The following ARHGAP21 variants were observed in gnomAD, a reference collection of about 807,000 sequenced individuals.
ARHGAP21 encodes Rho GTPase activating protein 21, also known as rho GTPase-activating protein 21.
In ARHGAP21, 38 loss-of-function variants were observed where a neutral mutation model predicts 164.6. That is an observed-to-expected ratio of 0.23 (90% CI 0.18 to 0.30). The LOEUF (loss-of-function observed/expected upper bound fraction) is 0.30, where lower values mean the gene tolerates loss of function less well. ARHGAP21 is among the 10% of genes least tolerant of loss of function. ARHGAP21 has a pLI of 1.00. For synonymous variants in ARHGAP21, 766 were observed against 857.9 expected (o/e 0.89, Z 1.87); for missense variants, 1,822 against 2,370.7 (o/e 0.77, Z 4.81).
Position 24,667,095 on chromosome 10 carries a change from C to T in ARHGAP21, c.244-86G>A, listed in dbSNP as rs12571203. On this transcript the variant is annotated intron_variant, in intron 3 of 25. Coordinates refer to ENST00000396432, the MANE Select transcript of ARHGAP21 (RefSeq NM_020824.4). Reference sequence around the variant, plus strand: ...CAGCAAGGCTCAATTTAATTCAAATCGACCTCCCCAGATTGTGCCAATTAC... The same window carrying T: ...CAGCAAGGCTCAATTTAATTCAAATTGACCTCCCCAGATTGTGCCAATTAC... 1.3e-3 allele frequency: 923 copies of T among 696,332 alleles called. 16 individuals carry two copies. In the East Asian group the frequency reaches 0.026, roughly 20 times the overall value. 43.1% of individuals were successfully genotyped at this position (696,332 alleles called of 1,614,324 possible).
intron 4 of ARHGAP21, among the ~76,000 whole-genome samples, chr10:24,664,972 T>A (rs925489144): frequency 6.6e-6 from 1 of 152,186 alleles, no homozygotes; most frequent in East Asian, 1.9e-4. Context: ...TTTATAACAA[T>A]GTCTTTCTAT....
intron 2 of ARHGAP21, among the ~76,000 whole-genome samples, chr10:24,702,093 A>T (rs1843721354): frequency 6.7e-6 from 1 of 149,458 alleles, no homozygotes; most frequent in Non-Finnish European, 1.5e-5. Context: ...AATTTATCAC[A>T]CACCTTGGTG....
At chr10:24,669,358 G>C (rs1384747561) in intron 3 of ARHGAP21, among the ~76,000 whole-genome samples, 2 of 152,074 alleles carry the variant, frequency 1.3e-5, no homozygotes, top group Non-Finnish European at 2.9e-5. Flanking sequence ...AATTAGAAAA[G>C]ACTTTGTAAT....
rs76032045 is a variant in ARHGAP21, at chr10:24,626,513, C to T, written c.495+3483G>A. Among the ~76,000 whole-genome samples, 141 of 152,218 alleles carry T rather than the reference C, an allele frequency of 9.3e-4. 3 individuals are homozygous for T. In the East Asian group the frequency reaches 0.026, roughly 28 times the overall value. On this transcript the variant is annotated intron_variant, in intron 7 of 25. Transcript: ENST00000396432. ...AAGGTACTATCTATGAGAAAATGGG[C>T]CCTCACGAGACACCAAATCTACCTG...
chr10:24,598,272 A>G (rs1200610970), intron 14 of ARHGAP21, among the ~76,000 whole-genome samples: 2 of 152,246 alleles, frequency 1.3e-5, no homozygotes, highest in Admixed American at 1.3e-4. Flanking sequence ...CATGTGTTCA[A>G]TACTTATTGA....
intron 6 of ARHGAP21, among the ~76,000 whole-genome samples, chr10:24,630,889 T>G (rs1268617529): frequency 2.0e-5 from 3 of 152,256 alleles, no homozygotes; most frequent in Non-Finnish European, 4.4e-5. Flanking sequence ...TGACTCATTT[T>G]TAATAACTAT....
At chr10:24,626,083 T>TA (rs1445502060) in intron 7 of ARHGAP21, among the ~76,000 whole-genome samples, 9 of 152,216 alleles carry the variant, frequency 5.9e-5, no homozygotes, top group Non-Finnish European at 1.3e-4. Flanking sequence ...TAGAACAGCA[T>TA]AAAGTAGGTT....
chr10:24,663,920 C>T (rs574437012), intron 4 of ARHGAP21, among the ~76,000 whole-genome samples: 2 of 152,304 alleles, frequency 1.3e-5, no homozygotes, highest in African/African-American at 4.8e-5. Flanking sequence ...TATACTCCCC[C>T]TCTCCCAACT....
intron 24 of ARHGAP21, chr10:24,590,342 A>G (rs2076277413): frequency 6.5e-7 from 1 of 1,535,236 alleles, no homozygotes; most frequent in African/African-American, 1.4e-5. Flanking sequence ...TGCATTTACA[A>G]GAATCGGGGA....
At chr10:24,682,870 C>T (rs940661859) in intron 2 of ARHGAP21, among the ~76,000 whole-genome samples, 7 of 151,696 alleles carry the variant, frequency 4.6e-5, no homozygotes, top group African/African-American at 1.2e-4. Context: ...CCGAGGCAGG[C>T]GGATCACGAG....
At position 24,585,013 on chromosome 10, in the gene ARHGAP21, G is replaced by A. The variant is rs1409209398; in HGVS notation, c.5276C>T (p.Pro1759Leu). 6.2e-7 allele frequency: 1 copy of A among 1,613,866 alleles called. No homozygotes were observed. The highest frequency in any genetic ancestry group is 1.1e-5 in the South Asian group (1 of 91,064). The change falls in exon 26 of 26, where the codon CCC becomes CTC. Residue 1759 changes from proline to leucine, a missense_variant. Around this residue, in one of 5 missense-constraint regions of ARHGAP21, gnomAD observed 117 missense variants for 193.2 expected, o/e 0.61. Coordinates refer to ENST00000396432, the MANE Select transcript of ARHGAP21 (RefSeq NM_020824.4). Reference sequence around the variant, plus strand: ...ATCTGCTATTTTCGTTTTCCATGTGGGTTCCTGTTTTTCGGATTCGCCTCT... The same window carrying A: ...ATCTGCTATTTTCGTTTTCCATGTGAGTTCCTGTTTTTCGGATTCGCCTCT... ...PTRGESEKQE[P>L]TWKTKIADRL...
Position 24,619,880 on chromosome 10 carries a change from G to A in ARHGAP21, c.2015C>T (p.Ala672Val), listed in dbSNP as rs1168723520. ...CCCAGTCTCCACTTGCTGATCGGGG[G>A]CACTGTCAGTCCTTACCCATGTCTG... ...NQQTWVRTDS[A>V]PDQQVETGKS... Residue 672 changes from alanine to valine, a missense_variant, in exon 9 of 26, where the codon GCC becomes GTC. Physicochemically the swap from Ala to Val is moderately conservative, Grantham distance 64. Around this residue, in one of 5 missense-constraint regions of ARHGAP21, gnomAD observed 1,090 missense variants for 1,378.9 expected, o/e 0.79. Transcript: ENST00000396432. 6.2e-7 allele frequency: 1 copy of A among 1,614,158 alleles called. No individual in the cohort carries two copies. Among genetic ancestry groups the A allele is most frequent in the Non-Finnish European group, 8.5e-7 (1 of 1,180,028 alleles).
chr10:24,620,402 T>C lies in ARHGAP21; in HGVS notation c.1493A>G (p.Tyr498Cys). 6 of 1,612,612 alleles carry C rather than the reference T, an allele frequency of 3.7e-6. No individual in the cohort carries two copies. The highest frequency in any genetic ancestry group is 3.3e-5 in the South Asian group (3 of 90,896). ...FSNHRTRSWDYIEGQDETLEN... is the reference protein window; with the variant it reads ...FSNHRTRSWDCIEGQDETLEN... ...TAAGGTTTCATCCTGTCCCTCAATA[T>C]AATCCCATGAACGAGTTCTATGATT... is the stretch of plus-strand genomic sequence containing the variant. Residue 498 changes from tyrosine (Y) to cysteine (C), a missense_variant, in exon 9 of 26, where the codon TAT becomes TGT. Physicochemically the swap from Tyr to Cys is radical, Grantham distance 194 (BLOSUM62 -2). Around this residue, in one of 5 missense-constraint regions of ARHGAP21, gnomAD observed 1,090 missense variants for 1,378.9 expected, o/e 0.79. Transcript: ENST00000396432.
At chr10:24,610,445 G>A (rs569425695) in intron 9 of ARHGAP21, among the ~76,000 whole-genome samples, 5 of 150,540 alleles carry the variant, frequency 3.3e-5, no homozygotes, top group African/African-American at 7.3e-5. Flanking sequence ...TAAAAAGAAC[G>A]GTGAAGGACA....
intron 4 of ARHGAP21, among the ~76,000 whole-genome samples, chr10:24,665,838 A>G (rs1840138842): frequency 6.6e-6 from 1 of 152,234 alleles, no homozygotes; most frequent in Non-Finnish European, 1.5e-5. Context: ...ACTGATCAGT[A>G]CTAGTAATAA....
intron 2 of ARHGAP21, among the ~76,000 whole-genome samples, chr10:24,671,394 T>TC (rs1383446307): frequency 2.0e-5 from 3 of 152,098 alleles, no homozygotes; most frequent in Non-Finnish European, 4.4e-5. Context: ...TCATCCCTTT[T>TC]CCCCACCCTC....
At chr10:24,602,282 T>C (rs1318414142) in intron 12 of ARHGAP21, among the ~76,000 whole-genome samples, 179 bp from the exon 13 acceptor site, 1 of 152,214 alleles carries the variant, frequency 6.6e-6, no homozygotes, top group Admixed American at 6.5e-5. Context: ...TGAATTATCA[T>C]TTTTTAACCA....
intron 11 of ARHGAP21, among the ~76,000 whole-genome samples, chr10:24,607,156 C>G (rs1028854231): frequency 5.9e-5 from 9 of 152,148 alleles, no homozygotes; most frequent in Non-Finnish European, 5.9e-5. Flanking sequence ...AATTAGAATA[C>G]AGTACACACA....
chr10:24,623,704 G>A (rs7908377), intron 7 of ARHGAP21, among the ~76,000 whole-genome samples: 70,177 of 152,046 alleles, frequency 0.46, 16,856 homozygotes, highest in Middle Eastern at 0.54. Flanking sequence ...AAGGAGGATG[G>A]GGGAGAGGAG....
Sources: gnomAD v4.1 joint callset for allele counts (sites outside exome capture counted in the v4.1 genomes callset) on GRCh38, gnomAD v4.1.1 for gene constraint, gnomAD v4.1.1 regional missense constraint, MANE v1.5 for transcripts, NCBI Gene and HGNC (gene_info 2026-07-23, HGNC 2026-07-21) for gene names.